Variants in DPYD observed in about 807,000 individuals in gnomAD.
DPYD encodes the protein dihydropyrimidine dehydrogenase.
DPYD carries 109 observed loss-of-function variants against 116.2 expected under a neutral mutation model. That is an observed-to-expected ratio of 0.94 (90% CI 0.80 to 1.10). The LOEUF (loss-of-function observed/expected upper bound fraction) is 1.10, where lower values mean the gene tolerates loss of function less well. DPYD is among the 50% of genes least tolerant of loss of function. The pLI, the probability that DPYD is intolerant of heterozygous loss-of-function variation, is 0.00. For missense variants in DPYD, 1,302 were observed against 1,254.5 expected, an observed-to-expected ratio of 1.04 and a Z score of -0.57; for synonymous variants, 440 against 432.0, an observed-to-expected ratio of 1.02 and a Z score of -0.23.
intron 8 of DPYD, among the ~76,000 whole-genome samples, chr1:97,611,205 C>CA (rs1365985990): frequency 6.6e-6 from 1 of 151,950 alleles, no homozygotes; most frequent in Non-Finnish European, 1.5e-5. Context: ...AGGCAGCAGG[C>CA]AAAAAGAGAG....
At chr1:97,633,065 A>T (rs1403787671) in intron 8 of DPYD, among the ~76,000 whole-genome samples, 1 of 152,124 alleles carries the variant, frequency 6.6e-6, no homozygotes, top group Non-Finnish European at 1.5e-5. Context: ...GGCTTTCTTT[A>T]GTTTTCCTGC....
chr1:97,715,646 T>C (rs1215582664), intron 5 of DPYD, among the ~76,000 whole-genome samples: 2 of 152,148 alleles, frequency 1.3e-5, no homozygotes, highest in African/African-American at 4.8e-5. Context: ...CTGATCATTA[T>C]CTAACCTATC....
chr1:97,685,593 C>A (rs1660680127), intron 7 of DPYD, among the ~76,000 whole-genome samples: 1 of 152,122 alleles, frequency 6.6e-6, no homozygotes, highest in African/African-American at 2.4e-5. Context: ...TAGAAAGCCC[C>A]ATTGATCAGC....
At chr1:97,635,097 G>A (rs1293308176) in intron 8 of DPYD, among the ~76,000 whole-genome samples, 2 of 151,920 alleles carry the variant, frequency 1.3e-5, no homozygotes, top group Admixed American at 6.6e-5. Flanking sequence ...GAAGAGAAAC[G>A]CTGGAGTGGC....
chr1:97,544,885 C>G (rs1336275503), intron 12 of DPYD, among the ~76,000 whole-genome samples: 1 of 152,114 alleles, frequency 6.6e-6, no homozygotes, highest in African/African-American at 2.4e-5. Context: ...TGCCCACATA[C>G]CATTTTCACT....
intron 3 of DPYD, among the ~76,000 whole-genome samples, chr1:97,750,864 G>T (rs764928458): frequency 6.6e-5 from 10 of 152,006 alleles, no homozygotes; most frequent in Non-Finnish European, 1.5e-4. Context: ...TGCAAATTTT[G>T]GTATATGCAA....
At chr1:97,628,967 CATAAT>C (rs1657097870) in intron 8 of DPYD, among the ~76,000 whole-genome samples, 1 of 152,018 alleles carries the variant, frequency 6.6e-6, no homozygotes, top group Non-Finnish European at 1.5e-5. Context: ...AACCCAGACT[CATAAT>C]GATGGGGCTT....
intron 8 of DPYD, among the ~76,000 whole-genome samples, chr1:97,603,845 G>A (rs1655413410): frequency 6.6e-6 from 1 of 152,076 alleles, no homozygotes; most frequent in African/African-American, 2.4e-5. Flanking sequence ...AACATATCAT[G>A]CATCTTGATA....
chr1:97,624,753 T>C (rs1656828878), intron 8 of DPYD, among the ~76,000 whole-genome samples: 2 of 151,956 alleles, frequency 1.3e-5, no homozygotes, highest in African/African-American at 2.4e-5. Flanking sequence ...AGAAAATGTA[T>C]ATATACAGTA....
chr1:97,248,768 T>C (rs1557971160), intron 18 of DPYD, among the ~76,000 whole-genome samples: 1 of 152,140 alleles, frequency 6.6e-6, no homozygotes, highest in Non-Finnish European at 1.5e-5. Flanking sequence ...AAAAATTCTT[T>C]CTCTATATAC....
chr1:97,253,882 C>T (rs568452260), intron 18 of DPYD, among the ~76,000 whole-genome samples: 1 of 152,152 alleles, frequency 6.6e-6, no homozygotes, highest in Admixed American at 6.6e-5. Context: ...AAAACAAGGA[C>T]ACAAACTTGT....
In DPYD at chr1:97,118,397, A is replaced by AT. The variant is rs542678667; in HGVS notation, c.2623-19766dup. Among the ~76,000 whole-genome samples the AT allele has an allele frequency of 8.2e-3, 1,232 of 150,868 alleles. 15 individuals carry two copies. Among genetic ancestry groups the AT allele is most frequent in the Non-Finnish European group, 8.4e-3 (565 of 67,656 alleles). On this transcript the variant is annotated intron_variant, in intron 20 of 22. Transcript: ENST00000370192. ...CTTTCCATTTCTCTTTCTTTTTAACATTTTTTTTTCTAAGCCAGAAACTTT... is the reference window on the plus strand; with the variant it reads ...CTTTCCATTTCTCTTTCTTTTTAACATTTTTTTTTTCTAAGCCAGAAACTTT...
chr1:97,864,320 T>A (rs927618354), intron 2 of DPYD, among the ~76,000 whole-genome samples: 1 of 151,842 alleles, frequency 6.6e-6, no homozygotes, highest in Non-Finnish European at 1.5e-5. Flanking sequence ...GCTGGGGGCC[T>A]GGGAAAGATT....
chr1:97,200,233 C>T (rs1370834169), intron 19 of DPYD, among the ~76,000 whole-genome samples: 4 of 152,098 alleles, frequency 2.6e-5, no homozygotes, highest in African/African-American at 9.7e-5. Context: ...TCTTATCATA[C>T]AGGTGGATAA....
At chr1:97,090,643 T>A (rs577190673) in intron 21 of DPYD, among the ~76,000 whole-genome samples, 23 of 152,346 alleles carry the variant, frequency 1.5e-4, no homozygotes, top group Admixed American at 1.4e-3. Flanking sequence ...GAGCATTTTG[T>A]ACATATTTGA....
chr1:97,710,759 T>C (rs1473811263), intron 5 of DPYD, among the ~76,000 whole-genome samples: 1 of 151,756 alleles, frequency 6.6e-6, no homozygotes, highest in Non-Finnish European at 1.5e-5. Context: ...GCTCCCTGGA[T>C]AATAGAGCAC....
intron 20 of DPYD, among the ~76,000 whole-genome samples, chr1:97,152,457 C>CAA (rs1424036108): frequency 1.3e-5 from 2 of 151,746 alleles, no homozygotes; most frequent in African/African-American, 2.4e-5. Flanking sequence ...CACACACACA[C>CAA]ACACACACAC....
At chr1:97,347,291 C>T (rs2101288170) in intron 16 of DPYD, among the ~76,000 whole-genome samples, 1 of 151,978 alleles carries the variant, frequency 6.6e-6, no homozygotes. Flanking sequence ...AAGGAAGTTC[C>T]TTCCTATTCA....
intron 1 of DPYD, among the ~76,000 whole-genome samples, chr1:97,916,947 A>G (rs765841977): frequency 6.6e-6 from 1 of 152,210 alleles, no homozygotes; most frequent in Non-Finnish European, 1.5e-5. Flanking sequence ...TGACTCCTCA[A>G]ATCAGATAAT....
Sources: allele counts gnomAD v4.1 joint callset (sites outside exome capture counted in the v4.1 genomes callset), GRCh38; gene constraint gnomAD v4.1.1; transcripts MANE v1.5; gene names NCBI Gene and HGNC (gene_info 2026-07-23, HGNC 2026-07-21).